The following MEIOB variants were observed in gnomAD, a reference collection of about 807,000 sequenced individuals.
MEIOB encodes the protein meiosis-specific with OB domain-containing protein.
A neutral mutation model predicts 53.1 loss-of-function variants in MEIOB; 50 were observed. The ratio of observed to expected loss-of-function variants is 0.94; its 90% CI spans 0.75 to 1.19. MEIOB has a LOEUF of 1.19. MEIOB is among the 50% of genes most tolerant of loss of function. The pLI, the probability that MEIOB is intolerant of heterozygous loss-of-function variation, is 0.00. For missense variants in MEIOB, 551 were observed against 550.8 expected, an observed-to-expected ratio of 1.00 and a Z score of 0.00; for synonymous variants, 192 against 182.5, an observed-to-expected ratio of 1.05 and a Z score of -0.42.
chr16:1,865,492 C>T (rs913465918), intron 3 of MEIOB, among the ~76,000 whole-genome samples: 4 of 5,578 alleles, frequency 7.2e-4, no homozygotes, highest in East Asian at 0.011. Flanking sequence ...CGTGTACACA[C>T]ATACACACAC....
At position 1,862,791 on chromosome 16, in the gene MEIOB, G is replaced by A. The variant is rs538062925; in HGVS notation, c.128-675C>T. On this transcript the variant is annotated intron_variant, in intron 3 of 13. Coordinates refer to ENST00000325962, the MANE Select transcript of MEIOB (RefSeq NM_001163560.3). The stretch of plus-strand genomic sequence containing the variant: ...AACTTAGCCAGGCGTGGTGGTGGGC[G>A]CCTGTAATCCCAGCTACTCGGGAGG... 5.7e-3 allele frequency among the ~76,000 whole-genome samples: 871 copies of A among 152,134 alleles called. 8 individuals carry two copies. Among genetic ancestry groups the A allele is most frequent in the Non-Finnish European group, 0.011 (714 of 67,990 alleles).
chr16:1,863,101 A>G (rs1431259302), intron 3 of MEIOB, among the ~76,000 whole-genome samples: 1 of 151,904 alleles, frequency 6.6e-6, no homozygotes, highest in Non-Finnish European at 1.5e-5. Context: ...ACTCATCTTT[A>G]GTCTCAGCTA....
chr16:1,841,055 C>T (rs1367318514), intron 11 of MEIOB: 1 of 133,726 alleles, frequency 7.5e-6, no homozygotes, highest in Non-Finnish European at 1.5e-5. Context: ...TCACTCTTCT[C>T]GCCCAGGCTG....
chr16:1,862,132 TG>T lies in MEIOB; in HGVS notation c.128-17del. Reference sequence around the variant, plus strand: ...GATCCAATATCTAAGGGAAAACCAATGCTTTTATTTTTCAAATGAAGAGTTT... The same window carrying T: ...GATCCAATATCTAAGGGAAAACCAATCTTTTATTTTTCAAATGAAGAGTTT... On this transcript the variant is annotated splice_polypyrimidine_tract_variant and intron_variant, in intron 3 of 13. Transcript: ENST00000325962. 1.4e-5 allele frequency: 22 copies of T among 1,545,372 alleles called. No individual in the cohort carries two copies. The highest frequency in any genetic ancestry group is 1.9e-5 in the Non-Finnish European group (22 of 1,143,858).
At chr16:1,849,231 C>T (rs1044592197) in intron 9 of MEIOB, among the ~76,000 whole-genome samples, 7 of 151,170 alleles carry the variant, frequency 4.6e-5, no homozygotes, top group Non-Finnish European at 8.8e-5. Context: ...CCATCCTGGC[C>T]AACATGGTGA....
chr16:1,846,285 G>C (rs1385484245), intron 9 of MEIOB, among the ~76,000 whole-genome samples: 1 of 152,158 alleles, frequency 6.6e-6, no homozygotes, highest in Middle Eastern at 3.2e-3. Context: ...CTGTGATGGG[G>C]GCTGGCAGGG....
intron 4 of MEIOB, among the ~76,000 whole-genome samples, chr16:1,861,243 TAG>T (rs1899433538): frequency 6.6e-6 from 1 of 152,150 alleles, no homozygotes; most frequent in Non-Finnish European, 1.5e-5. Flanking sequence ...CTGGGGTGAG[TAG>T]ATGTAAAAGA....
chr16:1,839,472 T>A (rs771191531), intron 11 of MEIOB, 34 bp from the exon 12 acceptor site: 1 of 1,551,410 alleles, frequency 6.4e-7, no homozygotes, highest in Admixed American at 1.9e-5. Context: ...TAAAATGTGA[T>A]GCCCTAAGCT....
chr16:1,860,231 G>A (rs1428010017), intron 5 of MEIOB, among the ~76,000 whole-genome samples, 172 bp downstream of exon 5: 1 of 152,174 alleles, frequency 6.6e-6, no homozygotes, highest in African/African-American at 2.4e-5. Flanking sequence ...ATGTGACTCT[G>A]TATCAAAGTA....
intron 9 of MEIOB, among the ~76,000 whole-genome samples, chr16:1,845,451 T>C (rs112468240): frequency 0.18 from 26,622 of 151,626 alleles, 2,464 homozygotes; most frequent in South Asian, 0.27. Flanking sequence ...ACCTGGGAGG[T>C]GGAGCTTGCA....
rs151101708 is a variant in MEIOB, at chr16:1,850,304, C to T, written c.778+2735G>A. ...CTAAATGTAAAAATAACAGGCCGGGCGTGGTGGCTCATGCCTGTAATCCCA... is the reference window on the plus strand; with the variant it reads ...CTAAATGTAAAAATAACAGGCCGGGTGTGGTGGCTCATGCCTGTAATCCCA... On this transcript the variant is annotated intron_variant, in intron 9 of 13. Transcript: ENST00000325962. 8.9e-3 allele frequency among the ~76,000 whole-genome samples: 1,354 copies of T among 152,218 alleles called. 17 individuals are homozygous for T. The highest frequency in any genetic ancestry group is 0.032 in the African/African-American group (1,319 of 41,536).
chr16:1,856,588 G>A (rs1392838204), intron 6 of MEIOB, among the ~76,000 whole-genome samples: 5 of 152,016 alleles, frequency 3.3e-5, no homozygotes, highest in South Asian at 2.1e-4. Flanking sequence ...CAAAGTGCTG[G>A]GATTACAGGC....
intron 3 of MEIOB, among the ~76,000 whole-genome samples, chr16:1,864,634 G>A (rs1596985048): frequency 6.6e-6 from 1 of 151,586 alleles, no homozygotes; most frequent in African/African-American, 2.4e-5. Context: ...GAATACAAGC[G>A]CCTGCCACCA....
chr16:1,865,324 C>A (rs968898842), intron 3 of MEIOB, among the ~76,000 whole-genome samples: 1 of 151,534 alleles, frequency 6.6e-6, no homozygotes, highest in African/African-American at 2.4e-5. Context: ...TCCAGCTACT[C>A]GGGAGGTTGA....
chr16:1,860,227 C>G (rs1040304244), intron 5 of MEIOB, among the ~76,000 whole-genome samples, 176 bp downstream of exon 5: 6 of 152,180 alleles, frequency 3.9e-5, no homozygotes, highest in African/African-American at 1.4e-4. Context: ...TATCATGTGA[C>G]TCTGTATCAA....
intron 2 of MEIOB, among the ~76,000 whole-genome samples, chr16:1,866,449 G>A (rs1315041750): frequency 6.6e-6 from 1 of 152,104 alleles, no homozygotes; most frequent in Non-Finnish European, 1.5e-5. Flanking sequence ...GGCCGGGTGT[G>A]TTGGCTCACA....
Position 1,865,807 on chromosome 16 carries a change from G to A in MEIOB, c.98C>T (p.Thr33Ile), listed in dbSNP as rs990083450. ...TCTGTCTGGAAAGCCTTTGACATCT[G>A]TTTTCCCAATAACTATACCGATAAC... ...LKVIGIVIGK[T>I]DVKGFPDRKN... Residue 33 changes from threonine (T) to isoleucine (I), a missense_variant, in exon 3 of 14, where the codon ACA becomes ATA. By Grantham distance (89) the Thr-to-Ile change is moderately conservative. Transcript: ENST00000325962. 6.5e-7 allele frequency: 1 copy of A among 1,548,788 alleles called. No individual in the cohort carries two copies. The highest frequency in any genetic ancestry group is 8.7e-7 in the Non-Finnish European group (1 of 1,146,200).
At chr16:1,865,367 G>GGTT (rs954477720) in intron 3 of MEIOB, among the ~76,000 whole-genome samples, 4 of 151,648 alleles carry the variant, frequency 2.6e-5, no homozygotes, top group African/African-American at 9.7e-5. Context: ...AGGAGGCAGA[G>GGTT]GTTGCAGTGA....
intron 3 of MEIOB, among the ~76,000 whole-genome samples, chr16:1,864,875 A>C (rs1457783718): frequency 2.6e-5 from 4 of 152,182 alleles, no homozygotes; most frequent in Non-Finnish European, 5.9e-5. Context: ...ATGCCTTCTG[A>C]AATTTGGTAA....
Sources: gnomAD v4.1 joint callset for allele counts (sites outside exome capture counted in the v4.1 genomes callset) on GRCh38, gnomAD v4.1.1 for gene constraint, MANE v1.5 for transcripts, NCBI Gene and HGNC (gene_info 2026-07-23, HGNC 2026-07-21) for gene names.